Variants in CD6 observed in about 807,000 individuals in gnomAD.
CD6 encodes T-cell differentiation antigen CD6.
In CD6, 53 loss-of-function variants were observed where a neutral mutation model predicts 75.3. The observed-to-expected ratio is 0.70, with a 90% confidence interval of 0.56 to 0.88. CD6 has a LOEUF of 0.88. Among genes scored for constraint, CD6 ranks in the 40% least tolerant of loss-of-function variants. CD6 has a pLI of 0.00. For missense variants in CD6, 770 were observed against 897.1 expected, an observed-to-expected ratio of 0.86 and a Z score of 1.81; for synonymous variants, 359 against 381.5, an observed-to-expected ratio of 0.94 and a Z score of 0.69.
Position 61,019,668 on chromosome 11 carries a change from C to T in CD6, c.*350C>T, listed in dbSNP as rs1469393190. The T allele has an allele frequency of 3.8e-6, 1 of 261,464 alleles. No individual in the cohort carries two copies. Among genetic ancestry groups the T allele is most frequent in the East Asian group, 7.0e-5 (1 of 14,374 alleles). 16.2% of individuals were successfully genotyped at this position (261,464 alleles called of 1,614,324 possible). ...GACTGGATGACTCTGGAGGCCCCTT[C>T]CAAACCTCAAGTGTCCGGCGCTTTG... On this transcript the variant is annotated 3_prime_UTR_variant, in exon 13 of 13. Coordinates refer to ENST00000313421, the MANE Select transcript of CD6 (RefSeq NM_006725.5).
chr11:61,017,954 G>T lies in CD6; in HGVS notation c.1778G>T (p.Ser593Ile). The change falls in exon 11 of 13, where the codon AGT becomes ATT. Residue 593 changes from serine (S) to isoleucine (I), a missense_variant. Physicochemically the swap from Ser to Ile is moderately radical, Grantham distance 142 (BLOSUM62 -2). Transcript: ENST00000313421. ...WNPQVFSSERSSFLEQPPNLE... is the reference protein window; with the variant it reads ...WNPQVFSSERISFLEQPPNLE... The stretch of plus-strand genomic sequence containing the variant: ...CCCCAGGTGTTTTCTTCAGAGAGGA[G>T]TTCCTTCCTGGAGCAGCCCCCAAAC... 1.2e-6 allele frequency: 2 copies of T among 1,613,554 alleles called. No homozygotes were observed. The highest frequency in any genetic ancestry group is 1.7e-6 in the Non-Finnish European group (2 of 1,180,040).
intron 2 of CD6, among the ~76,000 whole-genome samples, chr11:61,006,843 T>A (rs1018114510): frequency 1.9e-4 from 29 of 152,172 alleles, no homozygotes; most frequent in African/African-American, 7.0e-4. Flanking sequence ...AGGACACTGA[T>A]AAGTCACATA....
chr11:60,978,988 T>C (rs550839330), intron 1 of CD6, among the ~76,000 whole-genome samples: 1 of 152,358 alleles, frequency 6.6e-6, no homozygotes, highest in East Asian at 1.9e-4. Flanking sequence ...GTGGTTAACA[T>C]AGTGCTGTTT....
chr11:61,013,837 G>A, intron 7 of CD6, 82 bp from the exon 8 acceptor site: 5 of 968,794 alleles, frequency 5.2e-6, no homozygotes, highest in South Asian at 1.6e-5. Flanking sequence ...AGGGTGGTGT[G>A]TCGATGAGAA....
intron 1 of CD6, among the ~76,000 whole-genome samples, chr11:60,997,388 A>AAAAT (rs1858353096): frequency 6.7e-6 from 1 of 149,928 alleles, no homozygotes; most frequent in South Asian, 2.1e-4. Flanking sequence ...CAAAAAAAAA[A>AAAAT]AAAATAAAAT....
rs1158662525 is a variant in CD6, at chr11:61,014,024, C to A, written c.1387+10C>A. ...ACCATCCCCAAAGAAGGTAGGATGTCCCCCATCCTGGGTGTGGGAGGGCTG... is the reference window on the plus strand; with the variant it reads ...ACCATCCCCAAAGAAGGTAGGATGTACCCCATCCTGGGTGTGGGAGGGCTG... On this transcript the variant is annotated intron_variant, in intron 8 of 12. Transcript: ENST00000313421. The A allele has an allele frequency of 7.5e-6, 12 of 1,598,424 alleles. No homozygotes were observed. Among genetic ancestry groups the A allele is most frequent in the Non-Finnish European group, 1.0e-5 (12 of 1,168,350 alleles).
In CD6 at chr11:61,017,933, A is replaced by G; in HGVS notation, c.1757A>G (p.Gln586Arg). ...AGCAAGCTGCCTCCATGGAACCCCCAGGTGTTTTCTTCAGAGAGGAGTTCC... is the reference window on the plus strand; with the variant it reads ...AGCAAGCTGCCTCCATGGAACCCCCGGGTGTTTTCTTCAGAGAGGAGTTCC... ...PKSKLPPWNP[Q>R]VFSSERSSFL... Residue 586 changes from glutamine to arginine, a missense_variant, in exon 11 of 13, where the codon CAG (glutamine) becomes CGG (arginine). Physicochemically the swap from Gln to Arg is conservative, Grantham distance 43. Transcript: ENST00000313421. The G allele has an allele frequency of 6.2e-7, 1 of 1,613,880 alleles. No individual in the cohort carries two copies. The highest frequency in any genetic ancestry group is 8.5e-7 in the Non-Finnish European group (1 of 1,179,990).
In CD6 at chr11:61,017,812, A is replaced by T; in HGVS notation, c.1636A>T (p.Ile546Phe). Reference sequence around the variant, plus strand: ...CCCAACTGCCAACCCTGGACACTGCATTACAGACCCGCCATCCCTGGGCCC... The same window carrying T: ...CCCAACTGCCAACCCTGGACACTGCTTTACAGACCCGCCATCCCTGGGCCC... ...HIPTANPGHC[I>F]TDPPSLGPQY... The change falls in exon 11 of 13, where the codon ATT becomes TTT. Residue 546 changes from isoleucine to phenylalanine, a missense_variant. By Grantham distance (21) the Ile-to-Phe change is conservative. Coordinates refer to ENST00000313421, the MANE Select transcript of CD6 (RefSeq NM_006725.5). 2 of 1,614,156 alleles carry T rather than the reference A, an allele frequency of 1.2e-6. No homozygotes were observed. Among genetic ancestry groups the T allele is most frequent in the Middle Eastern group, 1.6e-4 (1 of 6,062 alleles).
At chr11:61,016,779 G>A (rs1859424747) in intron 9 of CD6, 1 of 152,366 alleles carries the variant, frequency 6.6e-6, no homozygotes, top group Admixed American at 6.5e-5. Context: ...TGGATATTGG[G>A]GAACAGACAG....
chr11:61,009,474 A>C, intron 4 of CD6, 98 bp from the exon 5 acceptor site: 1 of 1,109,944 alleles, frequency 9.0e-7, no homozygotes, highest in Non-Finnish European at 1.2e-6. Context: ...CTGGAGACCA[A>C]ATGGCTGCAT....
At chr11:60,995,500 A>G (rs1363184222) in intron 1 of CD6, among the ~76,000 whole-genome samples, 1 of 152,078 alleles carries the variant, frequency 6.6e-6, no homozygotes, top group Non-Finnish European at 1.5e-5. Flanking sequence ...TAGTTGTTTT[A>G]TTAATTGCTC....
intron 1 of CD6, among the ~76,000 whole-genome samples, chr11:60,983,123 T>C (rs1857648447): frequency 6.6e-6 from 1 of 150,436 alleles, no homozygotes; most frequent in Non-Finnish European, 1.5e-5. Flanking sequence ...TTTGACGGAG[T>C]CTCACTCTTG....
Position 60,996,909 on chromosome 11 carries a change from G to A in CD6, c.50-9665G>A, listed in dbSNP as rs143709162. 5.4e-4 allele frequency among the ~76,000 whole-genome samples: 82 copies of A among 152,316 alleles called. 1 individual carries two copies. The East Asian group carries it at 0.015, about 28-fold the overall frequency. ...AGAAGCATTATTAACTCCAGTTCAT[G>A]GATGACAGTCTAAGGCTCAGACTGG... On this transcript the variant is annotated intron_variant, in intron 1 of 12. Transcript: ENST00000313421.
intron 1 of CD6, chr11:60,982,785 A>G (rs772471020): frequency 6.6e-6 from 3 of 455,458 alleles, no homozygotes; most frequent in Non-Finnish European, 1.3e-5. Flanking sequence ...GAAGTGGGGA[A>G]CGACATGCCC....
At chr11:61,013,672 G>A in intron 7 of CD6, 109 bp downstream of exon 7, 4 of 1,237,090 alleles carry the variant, frequency 3.2e-6, no homozygotes, top group Non-Finnish European at 4.6e-6. Context: ...CCTGGCCCTG[G>A]GGAGATCCCC....
At chr11:60,984,711 T>C (rs1291359044) in intron 1 of CD6, among the ~76,000 whole-genome samples, 1 of 152,202 alleles carries the variant, frequency 6.6e-6, no homozygotes, top group Non-Finnish European at 1.5e-5. Context: ...TGAGAGCGGT[T>C]GCACTGGAGA....
At chr11:61,015,090 G>A (rs1486882485) in intron 8 of CD6, among the ~76,000 whole-genome samples, 4 of 152,130 alleles carry the variant, frequency 2.6e-5, no homozygotes, top group African/African-American at 4.8e-5. Flanking sequence ...GGCAAAATGG[G>A]GATAATAATG....
intron 1 of CD6, among the ~76,000 whole-genome samples, chr11:60,975,686 G>A (rs1367168925): frequency 6.6e-6 from 1 of 152,144 alleles, no homozygotes; most frequent in African/African-American, 2.4e-5. Context: ...TGTTGTCCCA[G>A]CTACTCGGAA....
chr11:61,016,002 C>T (rs1231822138), intron 9 of CD6, among the ~76,000 whole-genome samples, 167 bp downstream of exon 9: 3 of 152,258 alleles, frequency 2.0e-5, no homozygotes, highest in Non-Finnish European at 4.4e-5. Context: ...CTGACGTTTG[C>T]ACCGTGCTTT....
Sources: allele counts gnomAD v4.1 joint callset (sites outside exome capture counted in the v4.1 genomes callset), GRCh38; gene constraint gnomAD v4.1.1; transcripts MANE v1.5; gene names NCBI Gene and HGNC (gene_info 2026-07-23, HGNC 2026-07-21).